Variants in MRPL47 observed in about 807,000 individuals in gnomAD.
MRPL47 encodes mitochondrial ribosomal protein L47, also known as large ribosomal subunit protein uL29m.
MRPL47 carries 31 observed loss-of-function variants against 34.0 expected under a neutral mutation model. That is an observed-to-expected ratio of 0.91 (90% CI 0.68 to 1.23). MRPL47 has a LOEUF of 1.23. Among genes scored for constraint, MRPL47 ranks in the 50% most tolerant of loss-of-function variants. The probability of loss-of-function intolerance (pLI) is 0.00; values close to 1 mark genes in which losing one functional copy is unlikely to be tolerated. For missense variants in MRPL47, 328 were observed against 285.8 expected (o/e 1.15, Z -1.07); for synonymous variants, 106 against 101.6 (o/e 1.04, Z -0.26).
chr3:179,595,937 G>A (rs979153586), intron 4 of MRPL47, among the ~76,000 whole-genome samples: 9 of 152,078 alleles, frequency 5.9e-5, no homozygotes, highest in African/African-American at 2.2e-4. Context: ...TGAAACACAT[G>A]TTTTTAAAAG....
At chr3:179,596,013 A>C (rs1172954384) in intron 4 of MRPL47, among the ~76,000 whole-genome samples, 1 of 152,240 alleles carries the variant, frequency 6.6e-6, no homozygotes, top group Non-Finnish European at 1.5e-5. Flanking sequence ...TCTGTATTTC[A>C]AACACAAGGG....
chr3:179,596,718 C>T (rs549253091), intron 4 of MRPL47, among the ~76,000 whole-genome samples: 16 of 152,114 alleles, frequency 1.1e-4, no homozygotes, highest in South Asian at 4.1e-4. Flanking sequence ...GTGGTGCAAT[C>T]GTGGCTCACT....
At chr3:179,592,303 TCCTGCCTCAG>T (rs1718691697) in intron 6 of MRPL47, among the ~76,000 whole-genome samples, 4 of 152,178 alleles carry the variant, frequency 2.6e-5, no homozygotes, top group Non-Finnish European at 5.9e-5. Context: ...CACGCCATTC[TCCTGCCTCAG>T]CCTCCCAAGT....
chr3:179,591,100 C>T (rs912853802), intron 6 of MRPL47, among the ~76,000 whole-genome samples: 4 of 152,040 alleles, frequency 2.6e-5, no homozygotes, highest in African/African-American at 7.2e-5. Context: ...AAAATCGGGG[C>T]GGGAAAATCG....
intron 4 of MRPL47, among the ~76,000 whole-genome samples, chr3:179,597,899 A>G (rs1318866536): frequency 6.6e-6 from 1 of 152,242 alleles, no homozygotes; most frequent in East Asian, 1.9e-4. Flanking sequence ...TGGTCAAGAC[A>G]GTAAATTTTA....
chr3:179,592,280 T>C (rs1026621972), intron 6 of MRPL47, among the ~76,000 whole-genome samples: 3 of 152,144 alleles, frequency 2.0e-5, no homozygotes, highest in Non-Finnish European at 2.9e-5. Context: ...CTGCAAGCTC[T>C]GCCTCCCGGG....
chr3:179,604,577 G>A lies in MRPL47; in HGVS notation c.48C>T (p.Ala16=), dbSNP rs1018133314. 15 of 1,614,180 alleles carry A rather than the reference G, an allele frequency of 9.3e-6. No individual in the cohort carries two copies. The highest frequency in any genetic ancestry group is 3.3e-5 in the Admixed American group (2 of 60,028). Residue 16 remains alanine (A), a synonymous_variant, in exon 1 of 7, where the codon GCC becomes GCT. Coordinates refer to ENST00000476781, the MANE Select transcript of MRPL47 (RefSeq NM_020409.3). ...TTATTAACGATCGGGAAGATTTCAG[G>A]GCGGATGAAACTCTCCTACAAAGAA... ...LALLCRRVSS[A]LKSSRSLITP...
chr3:179,593,680 AT>A (rs200751246), intron 5 of MRPL47, 84 bp downstream of exon 5: 285 of 1,305,508 alleles, frequency 2.2e-4, no homozygotes, highest in Middle Eastern at 3.9e-4. Context: ...TATGGTACAA[AT>A]TTTTTTTTAA....
At chr3:179,597,199 A>T (rs1176082226) in intron 4 of MRPL47, among the ~76,000 whole-genome samples, 1 of 152,194 alleles carries the variant, frequency 6.6e-6, no homozygotes, top group African/African-American at 2.4e-5. Context: ...AAGATAAAAG[A>T]AAAAAATGTT....
At chr3:179,599,208 A>AAT (rs1235285523) in intron 3 of MRPL47, among the ~76,000 whole-genome samples, 3 of 142,734 alleles carry the variant, frequency 2.1e-5, no homozygotes, top group Non-Finnish European at 3.0e-5. Context: ...CAATATATAG[A>AAT]ATATGATTAC....
rs1718930694 is a variant in MRPL47, at chr3:179,601,721, T to C, written c.305+9A>G. 4 of 1,559,962 alleles carry C rather than the reference T, an allele frequency of 2.6e-6. No individual in the cohort carries two copies. The South Asian group carries it at 3.3e-5, about 13-fold the overall frequency. ...AACGTCTAGATGTTAATGTACTTAG[T>C]ATACTTACCAAAGTTTGTGTAAATC... On this transcript the variant is annotated intron_variant, in intron 3 of 6. Coordinates refer to ENST00000476781, the MANE Select transcript of MRPL47 (RefSeq NM_020409.3).
Position 179,588,822 on chromosome 3 carries a change from C to A in MRPL47, c.*50G>T, listed in dbSNP as rs149736919. The A allele has an allele frequency of 1.9e-6, 3 of 1,572,468 alleles. No individual in the cohort carries two copies. The African/African-American group carries it at 4.1e-5, about 21-fold the overall frequency. On this transcript the variant is annotated 3_prime_UTR_variant, in exon 7 of 7. Transcript: ENST00000476781. ...ACCACTTAACATATTTACTCCTGTA[C>A]ACAGACTATTCAAGAAAAACAAAAT...
At chr3:179,592,927 C>T (rs1046021260) in intron 5 of MRPL47, among the ~76,000 whole-genome samples, 188 bp from the exon 6 acceptor site, 4 of 152,116 alleles carry the variant, frequency 2.6e-5, no homozygotes, top group Non-Finnish European at 2.9e-5. Flanking sequence ...AAGAACCTAC[C>T]GAATGAGTTA....
intron 4 of MRPL47, among the ~76,000 whole-genome samples, chr3:179,597,489 G>A (rs558941701): frequency 4.1e-4 from 63 of 152,188 alleles, no homozygotes; most frequent in African/African-American, 1.2e-3. Context: ...TGAAAGCATC[G>A]AGTAAAAACA....
chr3:179,600,467 C>G (rs1265653338), intron 3 of MRPL47, among the ~76,000 whole-genome samples: 1 of 151,940 alleles, frequency 6.6e-6, no homozygotes, highest in Non-Finnish European at 1.5e-5. Flanking sequence ...GTGGTGAAAC[C>G]CCATCTCTAC....
intron 1 of MRPL47, among the ~76,000 whole-genome samples, 168 bp from the exon 2 acceptor site, chr3:179,602,965 T>G (rs1718964192): frequency 6.6e-6 from 1 of 152,064 alleles, no homozygotes; most frequent in Admixed American, 6.5e-5. Context: ...AGAGACTGGG[T>G]CTCACTATGT....
Position 179,602,697 on chromosome 3 carries a change from A to C in MRPL47, c.199T>G (p.Phe67Val). 6.2e-7 allele frequency: 1 copy of C among 1,612,618 alleles called. No homozygotes were observed. The highest frequency in any genetic ancestry group is 8.5e-7 in the Non-Finnish European group (1 of 1,179,570). The change falls in exon 2 of 7, where the codon TTT becomes GTT. Residue 67 changes from phenylalanine (F) to valine (V), a missense_variant. By Grantham distance (50) the Phe-to-Val change is conservative. Transcript: ENST00000476781. ...CCCCAGTTTTTTGGGTCATCAAAAA[A>C]TTCTTCTAGTCCTTTCCTTGACAAT... ...TTLSRKGLEE[F>V]FDDPKNWGQE... is the part of the protein sequence containing the mutation.
chr3:179,601,535 G>A (rs1718926199), intron 3 of MRPL47, among the ~76,000 whole-genome samples, 195 bp downstream of exon 3: 1 of 152,214 alleles, frequency 6.6e-6, no homozygotes, highest in Non-Finnish European at 1.5e-5. Context: ...AACTACTTGA[G>A]AATTGTGACA....
intron 3 of MRPL47, among the ~76,000 whole-genome samples, chr3:179,599,852 G>A (rs1718885268): frequency 6.6e-6 from 1 of 152,212 alleles, no homozygotes; most frequent in African/African-American, 2.4e-5. Context: ...GGGGCCAAGT[G>A]CAGTGGCTCA....
Sources: allele counts gnomAD v4.1 joint callset (sites outside exome capture counted in the v4.1 genomes callset), GRCh38; gene constraint gnomAD v4.1.1; transcripts MANE v1.5; gene names NCBI Gene and HGNC (gene_info 2026-07-23, HGNC 2026-07-21).